Variants in C5orf46 observed in about 807,000 individuals in gnomAD.
The protein encoded by C5orf46 is uncharacterized protein C5orf46.
C5orf46 carries 9 observed loss-of-function variants against 8.9 expected under a neutral mutation model. The observed-to-expected ratio is 1.01, with a 90% CI of 0.61 to 1.76. The LOEUF is 1.76. Among genes scored for constraint, C5orf46 ranks in the 40% most tolerant of loss-of-function variants. The pLI, the probability that C5orf46 is intolerant of heterozygous loss-of-function variation, is 0.00. For synonymous variants in C5orf46, 47 were observed against 41.4 expected (o/e 1.14, Z -0.52); for missense variants, 98 against 107.8 (o/e 0.91, Z 0.40).
intron 2 of C5orf46, among the ~76,000 whole-genome samples, chr5:147,900,561 C>T (rs1757651047): frequency 6.6e-6 from 1 of 152,192 alleles, no homozygotes; most frequent in Admixed American, 6.5e-5. Context: ...CAACCCAGAA[C>T]ATCTGATCAA....
At chr5:147,902,201 C>T (rs927134280) in intron 1 of C5orf46, among the ~76,000 whole-genome samples, 2 of 152,108 alleles carry the variant, frequency 1.3e-5, no homozygotes, top group South Asian at 4.1e-4. Flanking sequence ...CCTGTAATCC[C>T]AGCACTTTGG....
intron 3 of C5orf46, 35 bp downstream of exon 3, chr5:147,896,947 CTG>C (rs1421729461): frequency 1.4e-5 from 16 of 1,136,772 alleles, no homozygotes; most frequent in Non-Finnish European, 1.9e-5. Context: ...GTCCAATACA[CTG>C]TTATTTCAGT....
At chr5:147,903,114 C>T (rs1757696803) in intron 1 of C5orf46, among the ~76,000 whole-genome samples, 1 of 152,072 alleles carries the variant, frequency 6.6e-6, no homozygotes, top group Admixed American at 6.6e-5. Flanking sequence ...TGTCTTTATT[C>T]CCAGGAGATG....
chr5:147,896,469 G>A (rs112608248), intron 3 of C5orf46, among the ~76,000 whole-genome samples: 6 of 152,114 alleles, frequency 3.9e-5, no homozygotes, highest in Middle Eastern at 3.4e-3. Context: ...TTTTGTTTTC[G>A]TATTTCAATA....
At chr5:147,896,593 C>G (rs926620388) in intron 3 of C5orf46, among the ~76,000 whole-genome samples, 2 of 151,044 alleles carry the variant, frequency 1.3e-5, no homozygotes, top group Non-Finnish European at 2.9e-5. Context: ...TATCCTTTCT[C>G]TCTGAATTAG....
chr5:147,905,364 C>A (rs1279590257), intron 1 of C5orf46, among the ~76,000 whole-genome samples: 1 of 152,168 alleles, frequency 6.6e-6, no homozygotes, highest in Non-Finnish European at 1.5e-5. Flanking sequence ...AACGATTTAA[C>A]CAGTTTCAGA....
chr5:147,892,010 G>A (rs1580980985), downstream of C5orf46, among the ~76,000 whole-genome samples: 1 of 152,154 alleles, frequency 6.6e-6, no homozygotes, highest in South Asian at 2.1e-4. Context: ...ATGTGTTTGG[G>A]AAGGACAAAA....
At chr5:147,890,529 G>T (rs116096614), downstream of C5orf46, among the ~76,000 whole-genome samples, 1,066 of 152,214 alleles carry the variant, frequency 7.0e-3, 11 homozygotes, top group African/African-American at 0.024. Context: ...ATCCATAGGA[G>T]GAAAAATTAA....
chr5:147,886,076 C>G (rs1373397551), intron 2 of C5orf46: 1 of 151,982 alleles, frequency 6.6e-6, no homozygotes, highest in African/African-American at 2.4e-5. Flanking sequence ...AATGTCAAAC[C>G]CCAAAGGTTA....
At chr5:147,897,788 A>G (rs1757606573) in intron 2 of C5orf46, among the ~76,000 whole-genome samples, 1 of 152,186 alleles carries the variant, frequency 6.6e-6, no homozygotes, top group Non-Finnish European at 1.5e-5. Context: ...TTAGAAAATG[A>G]TTAGACTTGC....
chr5:147,900,697 T>C (rs1407903930), intron 2 of C5orf46, among the ~76,000 whole-genome samples: 1 of 152,162 alleles, frequency 6.6e-6, no homozygotes, highest in African/African-American at 2.4e-5. Context: ...TAAAAATAAA[T>C]TCCCCCAAGG....
At chr5:147,897,990 G>A (rs1371546399) in intron 2 of C5orf46, among the ~76,000 whole-genome samples, 1 of 152,146 alleles carries the variant, frequency 6.6e-6, no homozygotes, top group African/African-American at 2.4e-5. Context: ...AAGGACATTT[G>A]ACATCAGCCT....
chr5:147,898,534 G>A (rs1417533078), intron 2 of C5orf46, among the ~76,000 whole-genome samples: 6 of 152,054 alleles, frequency 3.9e-5, no homozygotes, highest in Non-Finnish European at 8.8e-5. Flanking sequence ...ATTCCATCTG[G>A]AGCTCAGGAA....
rs1757521900 is a variant in C5orf46 at position 147,892,821 on chromosome 5, A to G, written c.*128T>C. ...TCTGTTTGGTTGAAGCCAGAGCCTG[A>G]ATCCTGAGAACTCGTTGGGAGTTGC... On this transcript the variant is annotated 3_prime_UTR_variant, in exon 4 of 4. Coordinates refer to ENST00000318315, the MANE Select transcript of C5orf46 (RefSeq NM_206966.3). 1 of 152,178 alleles carries G rather than the reference A, an allele frequency of 6.6e-6. No homozygotes were observed. Among genetic ancestry groups the G allele is most frequent in the Non-Finnish European group, 1.5e-5 (1 of 68,020 alleles). The allele number at this position is 152,178 out of a possible 1,614,324, so 9.4% of individuals were successfully genotyped here.
chr5:147,901,521 A>G, intron 2 of C5orf46, 108 bp downstream of exon 2: 1 of 974,084 alleles, frequency 1.0e-6, no homozygotes, highest in Non-Finnish European at 1.5e-6. Flanking sequence ...TAACACATTT[A>G]CTTATGCCAC....
chr5:147,891,399 C>T (rs767820632), downstream of C5orf46, among the ~76,000 whole-genome samples: 3 of 152,076 alleles, frequency 2.0e-5, no homozygotes, highest in Non-Finnish European at 2.9e-5. Context: ...AGAGGAAACA[C>T]ACATTGTAAA....
At chr5:147,885,987 A>G (rs904738370) in intron 2 of C5orf46, 12 of 152,184 alleles carry the variant, frequency 7.9e-5, no homozygotes, top group Admixed American at 2.0e-4. Context: ...AAGAAATACT[A>G]TTCAACAAAA....
chr5:147,897,461 G>A (rs1021547999), intron 2 of C5orf46, among the ~76,000 whole-genome samples: 4 of 152,130 alleles, frequency 2.6e-5, no homozygotes, highest in Non-Finnish European at 4.4e-5. Context: ...CACATGGCTG[G>A]TAAGTTACAA....
chr5:147,897,118 T>C, intron 2 of C5orf46, 77 bp from the exon 3 acceptor site: 1 of 639,624 alleles, frequency 1.6e-6, no homozygotes, highest in Non-Finnish European at 2.7e-6. Context: ...AGGCGCTGTA[T>C]AATGTTTGAG....
Sources: gnomAD v4.1 joint callset for allele counts (sites outside exome capture counted in the v4.1 genomes callset) on GRCh38, gnomAD v4.1.1 for gene constraint, MANE v1.5 for transcripts, NCBI Gene and HGNC (gene_info 2026-07-23, HGNC 2026-07-21) for gene names.